LRRK2: variants seen among roughly 807,000 people sequenced by gnomAD.
LRRK2 encodes the protein leucine-rich repeat serine/threonine-protein kinase 2.
A neutral mutation model predicts 302.6 loss-of-function variants in LRRK2; 203 were observed. The observed-to-expected ratio is 0.67, with a 90% CI of 0.60 to 0.75. The LOEUF (loss-of-function observed/expected upper bound fraction) is 0.75. Ranked by LOEUF, LRRK2 falls within the 30% of genes least tolerant of loss-of-function variation. The probability of loss-of-function intolerance (pLI) is 0.00; values close to 1 mark genes in which losing one functional copy is unlikely to be tolerated. For missense variants in LRRK2, 2,830 were observed against 2,951.0 expected (o/e 0.96, Z 0.95); for synonymous variants, 1,066 against 1,031.9 (o/e 1.03, Z -0.63).
At chr12:40,356,277 C>G in intron 46 of LRRK2, 90 bp downstream of exon 46, 1 of 876,580 alleles carries the variant, frequency 1.1e-6, no homozygotes, top group Non-Finnish European at 1.8e-6. Flanking sequence ...TTATAAACTC[C>G]CTGAGAGCAA....
At chr12:40,314,461 G>C (rs1945145654) in intron 32 of LRRK2, among the ~76,000 whole-genome samples, 1 of 152,002 alleles carries the variant, frequency 6.6e-6, no homozygotes, top group East Asian at 1.9e-4. Context: ...TACTATTCAG[G>C]AGCTGTGGAA....
chr12:40,358,646 A>G (rs1400091937), intron 46 of LRRK2, among the ~76,000 whole-genome samples: 2 of 152,150 alleles, frequency 1.3e-5, no homozygotes, highest in Non-Finnish European at 2.9e-5. Context: ...TTTTCAAGTC[A>G]GGTAGTGTGA....
At chr12:40,263,931 T>C (rs745709928) in intron 14 of LRRK2, 30 bp downstream of exon 14, 4 of 1,448,328 alleles carry the variant, frequency 2.8e-6, no homozygotes, top group Non-Finnish European at 3.9e-6. Context: ...TCTGTATTTA[T>C]ACTATTAACT....
At chr12:40,364,767 TTA>T (rs1290601417) in intron 48 of LRRK2, 73 bp from the exon 49 acceptor site, 1 of 1,157,846 alleles carries the variant, frequency 8.6e-7, no homozygotes, top group East Asian at 2.5e-5. Context: ...AAAATGTTGT[TTA>T]TGTTATCATA....
At chr12:40,241,977 T>A (rs1046191491) in intron 6 of LRRK2, among the ~76,000 whole-genome samples, 1 of 152,210 alleles carries the variant, frequency 6.6e-6, no homozygotes, top group Non-Finnish European at 1.5e-5. Context: ...TCATTATACT[T>A]TTTCCTTGGC....
intron 14 of LRRK2, among the ~76,000 whole-genome samples, chr12:40,264,341 C>A (rs1424665898): frequency 2.6e-5 from 4 of 152,178 alleles, no homozygotes; most frequent in Non-Finnish European, 4.4e-5. Context: ...AAGTCTTCGG[C>A]TGGGCACAGT....
chr12:40,259,666 G>A (rs1942683639), intron 13 of LRRK2, 62 bp downstream of exon 13: 11 of 1,589,942 alleles, frequency 6.9e-6, no homozygotes, highest in Non-Finnish European at 9.5e-6. Flanking sequence ...GATTTTTCAT[G>A]AAATAGCAAT....
intron 1 of LRRK2, 34 bp from the exon 2 acceptor site, chr12:40,225,521 C>A: frequency 1.3e-6 from 2 of 1,565,378 alleles, no homozygotes; most frequent in African/African-American, 1.4e-5. Flanking sequence ...TGGATTGTGA[C>A]TTTGCTTCTT....
chr12:40,313,958 T>G lies in LRRK2; in HGVS notation c.4537-14T>G. 3 of 1,607,976 alleles carry G rather than the reference T, an allele frequency of 1.9e-6. No individual in the cohort carries two copies. Among genetic ancestry groups the G allele is most frequent in the Non-Finnish European group, 2.5e-6 (3 of 1,176,942 alleles). ...AAAATAGATTTTTACGGCTTGTCAT[T>G]TGTAATTTCATAGATCCGAGATCAG... On this transcript the variant is annotated splice_polypyrimidine_tract_variant and intron_variant, in intron 31 of 50. Coordinates refer to ENST00000298910, the MANE Select transcript of LRRK2 (RefSeq NM_198578.4).
At chr12:40,344,367 T>C (rs1946132728) in intron 41 of LRRK2, among the ~76,000 whole-genome samples, 1 of 152,158 alleles carries the variant, frequency 6.6e-6, no homozygotes. Flanking sequence ...AATAAATAAC[T>C]GGTTAAGATT....
At position 40,358,239 on chromosome 12, in the gene LRRK2, G is replaced by GTCCCAT. The variant is rs1592339284; in HGVS notation, c.6844-1019_6844-1014dup. Among the ~76,000 whole-genome samples the GTCCCAT allele has an allele frequency of 2.6e-5, 4 of 151,898 alleles. No individual in the cohort carries two copies. In the East Asian group the frequency reaches 7.7e-4, roughly 29 times the overall value. On this transcript the variant is annotated intron_variant, in intron 46 of 50. Transcript: ENST00000298910. ...TGCAGAAGCTTTTTAGTTTATTATAGTCCCATTTGTCTAATTTTGTTTTTG... is the reference window on the plus strand; with the variant it reads ...TGCAGAAGCTTTTTAGTTTATTATAGTCCCATTCCCATTTGTCTAATTTTGTTTTTG...
intron 41 of LRRK2, among the ~76,000 whole-genome samples, chr12:40,341,300 G>T (rs1946036139): frequency 6.6e-6 from 1 of 152,184 alleles, no homozygotes; most frequent in Non-Finnish European, 1.5e-5. Context: ...AAATCACCGT[G>T]CCTGGCACAG....
At chr12:40,257,435 A>C in intron 12 of LRRK2, 58 bp downstream of exon 12, 3 of 1,557,490 alleles carry the variant, frequency 1.9e-6, no homozygotes, top group Non-Finnish European at 2.6e-6. Flanking sequence ...GTAGAATATC[A>C]ATATTTCAAG....
Position 40,359,241 on chromosome 12 carries a change from T to TG in LRRK2, c.6844-19_6844-18insG, listed in dbSNP as rs1370893687. On this transcript the variant is annotated intron_variant, in intron 46 of 50. Transcript: ENST00000298910. The stretch of plus-strand genomic sequence containing the variant: ...GATACTCAATTTGCTGAGTGTGTTT[T>TG]CTTTTTTTTTTGGCAAAGCTTAAAG... 7.5e-7 allele frequency: 1 copy of TG among 1,336,994 alleles called. No homozygotes were observed. The highest frequency in any genetic ancestry group is 2.4e-5 in the East Asian group (1 of 41,428). The allele number at this position is 1,336,994 out of a possible 1,614,324, so 82.8% of individuals were successfully genotyped here.
chr12:40,348,945 A>G (rs973762503), intron 43 of LRRK2, among the ~76,000 whole-genome samples: 1 of 151,956 alleles, frequency 6.6e-6, no homozygotes, highest in Non-Finnish European at 1.5e-5. Context: ...AAATTTAACA[A>G]TTCTTCTTTT....
intron 21 of LRRK2, among the ~76,000 whole-genome samples, chr12:40,294,171 CTATCTATCATCT>C (rs1298442076): frequency 6.1e-4 from 90 of 147,682 alleles, no homozygotes; most frequent in East Asian, 7.9e-4. Flanking sequence ...ATCTATCTAT[CTATCTATCATCT>C]ATCTATCAAT....
chr12:40,287,802 A>G (rs1367825798), intron 20 of LRRK2, among the ~76,000 whole-genome samples: 1 of 151,910 alleles, frequency 6.6e-6, no homozygotes, highest in Non-Finnish European at 1.5e-5. Flanking sequence ...ACGAGATTCC[A>G]CGCTCTGTCA....
chr12:40,238,654 C>T (rs1941581493), intron 5 of LRRK2, among the ~76,000 whole-genome samples: 1 of 152,134 alleles, frequency 6.6e-6, no homozygotes, highest in South Asian at 2.1e-4. Flanking sequence ...AGTGAGCATC[C>T]TGCCTGAGGA....
In LRRK2 at chr12:40,332,250, G is replaced by C. The variant is rs530025065; in HGVS notation, c.5758-2717G>C. Among the ~76,000 whole-genome samples, 511 of 152,286 alleles carry C rather than the reference G, an allele frequency of 3.4e-3. 1 individual carries two copies. Among genetic ancestry groups the C allele is most frequent in the Non-Finnish European group, 6.2e-3 (421 of 68,022 alleles). On this transcript the variant is annotated intron_variant, in intron 39 of 50. Transcript: ENST00000298910. ...ACTTCCCCCTGAACTAAAGTCCAGG[G>C]GCTGCATGGGTGAGGGTTGAGTAAC...
Sources: allele counts gnomAD v4.1 joint callset (sites outside exome capture counted in the v4.1 genomes callset), GRCh38; gene constraint gnomAD v4.1.1; transcripts MANE v1.5; gene names NCBI Gene and HGNC (gene_info 2026-07-23, HGNC 2026-07-21).